The following HSPA12A variants were observed in gnomAD, a reference collection of about 807,000 sequenced individuals.
HSPA12A encodes heat shock protein family A (Hsp70) member 12A.
HSPA12A carries 28 observed loss-of-function variants against 69.2 expected under a neutral mutation model. The observed-to-expected ratio is 0.40, with a 90% confidence interval of 0.30 to 0.55. The LOEUF (loss-of-function observed/expected upper bound fraction) is 0.55, where lower values mean the gene tolerates loss of function less well. Among genes scored for constraint, HSPA12A ranks in the 20% least tolerant of loss-of-function variants. HSPA12A has a pLI of 0.38. For synonymous variants in HSPA12A, 345 were observed against 370.5 expected (o/e 0.93, Z 0.79); for missense variants, 686 against 900.7 (o/e 0.76, Z 3.05).
Position 116,675,039 on chromosome 10 carries a change from C to T in HSPA12A, c.1770G>A (p.Pro590=), listed in dbSNP as rs782371497. The change falls in exon 12 of 12, where the codon CCG becomes CCA. Residue 590 remains proline, a synonymous_variant. Transcript: ENST00000369209. The surrounding 1 kb of genome is among the most constrained non-coding windows in gnomAD (Gnocchi z 5.2). The stretch of plus-strand genomic sequence containing the variant: ...CAATGACCAGCTGGGAGGGCTTGGC[C>T]GGGGTGTAGCTACGCTTGACCAGCT... The part of the protein sequence containing the change: ...LGELVKRSYT[P]AKPSQLVIVI... 2.0e-5 allele frequency: 32 copies of T among 1,613,746 alleles called. No individual in the cohort carries two copies. The highest frequency in any genetic ancestry group is 1.6e-4 in the Middle Eastern group (1 of 6,080).
intron 1 of HSPA12A, among the ~76,000 whole-genome samples, chr10:116,740,961 T>TAAA (rs5788190): frequency 2.4e-5 from 2 of 84,686 alleles, no homozygotes; most frequent in Admixed American, 1.4e-4. Context: ...AGGAAAAAAG[T>TAAA]AAAAAAAAAA....
At chr10:116,744,244 C>T (rs1554887625), upstream of HSPA12A, among the ~76,000 whole-genome samples, 1 of 152,186 alleles carries the variant, frequency 6.6e-6, no homozygotes, top group African/African-American at 2.4e-5. Context: ...CTGGATCACC[C>T]GTCCTCTCAT....
At chr10:116,712,374 T>C (rs1346615205) in intron 1 of HSPA12A, among the ~76,000 whole-genome samples, 5 of 152,160 alleles carry the variant, frequency 3.3e-5, no homozygotes, top group Admixed American at 1.3e-4. Context: ...AATAAAAGTA[T>C]CAAATCCTGG....
At chr10:116,698,851 G>A (rs1849996097) in intron 4 of HSPA12A, 112 bp from the exon 5 acceptor site, 2 of 795,362 alleles carry the variant, frequency 2.5e-6, no homozygotes, top group Admixed American at 1.9e-5. Context: ...CCATGTCTGT[G>A]TTCCCCCATG....
At chr10:116,835,008 G>T in exon 2 of HSPA12A, 2 of 1,230,914 alleles carry the variant, frequency 1.6e-6, no homozygotes, top group Non-Finnish European at 2.0e-6. Context: ...ATCCGTACAC[G>T]CCAACACTCT....
intron 2 of HSPA12A, among the ~76,000 whole-genome samples, chr10:116,814,451 T>C (rs1845258653): frequency 6.6e-6 from 1 of 152,218 alleles, no homozygotes; most frequent in South Asian, 2.1e-4. Flanking sequence ...AAAAGCCACA[T>C]CTGCTACCTA....
Position 116,818,918 on chromosome 10 carries a change from T to C in HSPA12A, c.91+16017A>G, listed in dbSNP as rs183166330. On this transcript the variant is annotated intron_variant, in intron 2 of 12. Coordinates refer to the HSPA12A transcript ENST00000635765. ...GCAATCATCGCACCTAAGGGCACCC[T>C]TCCTGCTTCCAGGCTTGTACCTTGA... 1.2e-4 allele frequency among the ~76,000 whole-genome samples: 18 copies of C among 152,276 alleles called. No homozygotes were observed. The East Asian group carries it at 3.3e-3, about 28-fold the overall frequency.
intron 2 of HSPA12A, among the ~76,000 whole-genome samples, chr10:116,795,003 T>C (rs1844786595): frequency 6.6e-6 from 1 of 152,198 alleles, no homozygotes; most frequent in Non-Finnish European, 1.5e-5. Flanking sequence ...GACAAACTTA[T>C]AGCCTTAATT....
At position 116,672,275 on chromosome 10, in the gene HSPA12A, G is replaced by C. The variant is rs1554876831; in HGVS notation, c.*2506C>G. ...GTGACTGCTCCGACCCGGAAGGAGAGGTCAACGACCCCTCAGGACACAAAG... is the reference window on the plus strand; with the variant it reads ...GTGACTGCTCCGACCCGGAAGGAGACGTCAACGACCCCTCAGGACACAAAG... On this transcript the variant is annotated 3_prime_UTR_variant, in exon 12 of 12. Coordinates refer to ENST00000369209, the MANE Select transcript of HSPA12A (RefSeq NM_025015.3). 1.3e-5 allele frequency: 2 copies of C among 152,324 alleles called. No individual in the cohort carries two copies. The highest frequency in any genetic ancestry group is 4.1e-4 in the South Asian group (2 of 4,824). 9.4% of individuals were successfully genotyped at this position (152,324 alleles called of 1,614,324 possible).
intron 2 of HSPA12A, among the ~76,000 whole-genome samples, chr10:116,814,368 C>T (rs1845256755): frequency 6.6e-6 from 1 of 152,132 alleles, no homozygotes; most frequent in Non-Finnish European, 1.5e-5. Context: ...GGTGAGGATC[C>T]ATACAGGAAC....
chr10:116,763,148 T>C (rs1026624002), intron 2 of HSPA12A, among the ~76,000 whole-genome samples: 1 of 152,128 alleles, frequency 6.6e-6, no homozygotes, highest in Non-Finnish European at 1.5e-5. Context: ...GTGACAGAGC[T>C]GACAGGGTAT....
At position 116,683,888 on chromosome 10, in the gene HSPA12A, G is replaced by A. The variant is rs1260532687; in HGVS notation, c.738C>T (p.Cys246=). Residue 246 remains cysteine, a synonymous_variant, in exon 7 of 12, where the codon TGC becomes TGT. Transcript: ENST00000369209. ...ALEPEAASIY[C]RKLRLHQMIE... The stretch of plus-strand genomic sequence containing the variant: ...TCATCTGGTGTAGCCGCAGCTTTCG[G>A]CAGTAGATAGAGGCTGCCTCAGGCT... 6.3e-7 allele frequency: 1 copy of A among 1,598,274 alleles called. No homozygotes were observed. The highest frequency in any genetic ancestry group is 1.3e-5 in the African/African-American group (1 of 74,722).
chr10:116,742,631 G>GGCCCCGCCCCGGCCCGCCCGGC (rs1292269970), upstream of HSPA12A: 4 of 1,027,510 alleles, frequency 3.9e-6, no homozygotes, highest in East Asian at 8.2e-5. Flanking sequence ...CTCCTCCCCG[G>GGCCCCGCCCCGGCCCGCCCGGC]GCCCCGCCCC....
At chr10:116,825,790 T>C (rs986596793) in intron 2 of HSPA12A, among the ~76,000 whole-genome samples, 1 of 152,188 alleles carries the variant, frequency 6.6e-6, no homozygotes, top group Non-Finnish European at 1.5e-5. Flanking sequence ...ATGGTGATGG[T>C]TGCACAATTC....
intron 2 of HSPA12A, among the ~76,000 whole-genome samples, chr10:116,772,385 A>G: frequency 6.6e-6 from 1 of 152,176 alleles, no homozygotes; most frequent in East Asian, 1.9e-4. Context: ...TCCTGGGACC[A>G]GCAGGGCTGG....
chr10:116,749,634 A>G (rs935943561), intron 2 of HSPA12A, among the ~76,000 whole-genome samples: 3 of 152,194 alleles, frequency 2.0e-5, no homozygotes, highest in Admixed American at 1.3e-4. Context: ...ACAAATTATC[A>G]AATTAGAAGA....
At position 116,790,394 on chromosome 10, in the gene HSPA12A, C is replaced by T. The variant is rs142209407; in HGVS notation, c.91+44541G>A. On this transcript the variant is annotated intron_variant, in intron 2 of 12. Coordinates refer to the HSPA12A transcript ENST00000635765. ...CTGGGATTACAGGTGTAAGCCACCA[C>T]GCCCAGCCCCCTGATGACCTTTCTA... Among the ~76,000 whole-genome samples, 1,215 of 152,154 alleles carry T rather than the reference C, an allele frequency of 8.0e-3. 15 individuals carry two copies. Among genetic ancestry groups the T allele is most frequent in the African/African-American group, 0.027 (1,128 of 41,514 alleles).
intron 2 of HSPA12A, among the ~76,000 whole-genome samples, chr10:116,779,147 C>T (rs554445835): frequency 6.6e-6 from 1 of 152,338 alleles, no homozygotes; most frequent in Non-Finnish European, 1.5e-5. Context: ...GGGCCTTCAT[C>T]GGCAGTTGCT....
At chr10:116,728,001 G>C (rs887093657) in intron 1 of HSPA12A, among the ~76,000 whole-genome samples, 15 of 152,158 alleles carry the variant, frequency 9.9e-5, no homozygotes, top group Non-Finnish European at 1.9e-4. Context: ...GTAGAGACAG[G>C]GTTTCACCAT....
Sources: gnomAD v4.1 joint callset for allele counts (sites outside exome capture counted in the v4.1 genomes callset) on GRCh38, gnomAD v4.1.1 for gene constraint, Gnocchi (gnomAD v3.1) non-coding constraint, MANE v1.5 for transcripts, NCBI Gene and HGNC (gene_info 2026-07-23, HGNC 2026-07-21) for gene names.